Variants in SLC35F1 observed in about 807,000 individuals in gnomAD.
The protein encoded by SLC35F1 is solute carrier family 35 member F1, also known as chromosome 6 open reading frame 169.
In SLC35F1, 14 loss-of-function variants were observed where a neutral mutation model predicts 48.7. The ratio of observed to expected loss-of-function variants is 0.29; its 90% CI spans 0.19 to 0.45. The LOEUF is 0.45. Among genes scored for constraint, SLC35F1 ranks in the 20% least tolerant of loss-of-function variants. SLC35F1 has a pLI of 1.00. For missense variants in SLC35F1, 404 were observed against 500.0 expected, an observed-to-expected ratio of 0.81 and a Z score of 1.83; for synonymous variants, 190 against 202.2, an observed-to-expected ratio of 0.94 and a Z score of 0.51.
chr6:117,917,361 T>A (rs1482877962), intron 1 of SLC35F1, among the ~76,000 whole-genome samples: 1 of 151,668 alleles, frequency 6.6e-6, no homozygotes, highest in African/African-American at 2.4e-5. Context: ...TGGCTAATGT[T>A]TTGAAAAGAC....
chr6:117,981,130 TTAAG>T (rs1031263667), intron 1 of SLC35F1, among the ~76,000 whole-genome samples: 1 of 152,148 alleles, frequency 6.6e-6, no homozygotes, highest in African/African-American at 2.4e-5. Context: ...TGGGTTGCCA[TTAAG>T]TAAGATAGGA....
At chr6:118,228,045 G>A (rs967815299) in intron 2 of SLC35F1, among the ~76,000 whole-genome samples, 2 of 152,196 alleles carry the variant, frequency 1.3e-5, no homozygotes, top group East Asian at 3.8e-4. Flanking sequence ...GTAAGAGGCA[G>A]CCTGTGGCTA....
chr6:117,973,962 C>T (rs978050864), intron 1 of SLC35F1, among the ~76,000 whole-genome samples: 1 of 152,172 alleles, frequency 6.6e-6, no homozygotes, highest in African/African-American at 2.4e-5. Flanking sequence ...TTGGGTTTAG[C>T]TCTGTTACAT....
chr6:117,954,591 TG>T (rs1252127711), intron 1 of SLC35F1, among the ~76,000 whole-genome samples: 1 of 152,192 alleles, frequency 6.6e-6, no homozygotes, highest in Non-Finnish European at 1.5e-5. Context: ...ACTGAGATAA[TG>T]CTACTTAATC....
intron 2 of SLC35F1, among the ~76,000 whole-genome samples, chr6:118,235,121 A>G (rs1396821518): frequency 6.6e-6 from 1 of 152,084 alleles, no homozygotes; most frequent in Non-Finnish European, 1.5e-5. Context: ...TTTCATTTTT[A>G]TCTATTTTAT....
chr6:117,908,332 G>C (rs956926967), intron 1 of SLC35F1, among the ~76,000 whole-genome samples: 2 of 152,204 alleles, frequency 1.3e-5, no homozygotes, highest in Non-Finnish European at 2.9e-5. Flanking sequence ...CCTGGGCCTC[G>C]TGCTGTCCTC....
intron 1 of SLC35F1, among the ~76,000 whole-genome samples, chr6:117,982,387 C>G (rs1056669321): frequency 1.1e-4 from 16 of 152,136 alleles, no homozygotes; most frequent in Non-Finnish European, 1.6e-4. Context: ...AGCATTGAAG[C>G]CTTTATTTCA....
At chr6:118,116,517 T>C (rs1444942169) in intron 1 of SLC35F1, among the ~76,000 whole-genome samples, 4 of 152,322 alleles carry the variant, frequency 2.6e-5, no homozygotes, top group Non-Finnish European at 5.9e-5. Flanking sequence ...TGTGAATTGA[T>C]TGAATGCAAT....
chr6:118,127,906 A>G (rs1773651541), intron 1 of SLC35F1, among the ~76,000 whole-genome samples: 1 of 152,092 alleles, frequency 6.6e-6, no homozygotes, highest in African/African-American at 2.4e-5. Context: ...TTTGCAACCT[A>G]CTCATCGGAC....
At chr6:117,908,579 G>A (rs1185196709) in intron 1 of SLC35F1, among the ~76,000 whole-genome samples, 1 of 152,234 alleles carries the variant, frequency 6.6e-6, no homozygotes, top group Non-Finnish European at 1.5e-5. Flanking sequence ...CGCCCATGCC[G>A]GAGGGGGCGG....
intron 1 of SLC35F1, among the ~76,000 whole-genome samples, chr6:118,137,477 C>T (rs966412961): frequency 6.6e-6 from 1 of 152,130 alleles, no homozygotes; most frequent in Admixed American, 6.5e-5. Context: ...AGGAGTTCCC[C>T]CCTCCTACTC....
In SLC35F1 at chr6:118,096,131, A is replaced by G. The variant is rs75436407; in HGVS notation, c.174-58314A>G. Among the ~76,000 whole-genome samples, 1,120 of 152,302 alleles carry G rather than the reference A, an allele frequency of 7.4e-3. 11 individuals carry two copies. Among genetic ancestry groups the G allele is most frequent in the African/African-American group, 0.026 (1,083 of 41,568 alleles). Reference sequence around the variant, plus strand: ...AACCTTGTTTCTCCAAACTTTTTGGATCCCAATCTCAACCCTTTCCTTCAA... The same window carrying G: ...AACCTTGTTTCTCCAAACTTTTTGGGTCCCAATCTCAACCCTTTCCTTCAA... On this transcript the variant is annotated intron_variant, in intron 1 of 7. Transcript: ENST00000360388.
intron 7 of SLC35F1, among the ~76,000 whole-genome samples, chr6:118,289,492 T>G (rs1776091241): frequency 6.6e-6 from 1 of 152,200 alleles, no homozygotes; most frequent in Admixed American, 6.5e-5. Flanking sequence ...AGTCAGAAAA[T>G]GCAGATAAGT....
At chr6:117,976,388 G>A (rs1443423641) in intron 1 of SLC35F1, among the ~76,000 whole-genome samples, 1 of 152,086 alleles carries the variant, frequency 6.6e-6, no homozygotes, top group Non-Finnish European at 1.5e-5. Flanking sequence ...CAAATTTTAG[G>A]TTGTAAGAAA....
At chr6:118,191,857 C>T (rs1050046577) in intron 2 of SLC35F1, among the ~76,000 whole-genome samples, 2 of 152,102 alleles carry the variant, frequency 1.3e-5, no homozygotes, top group African/African-American at 4.8e-5. Flanking sequence ...ATCAGGTAAA[C>T]AAATGTACTT....
chr6:118,250,920 G>A (rs186675234), intron 3 of SLC35F1, among the ~76,000 whole-genome samples: 7 of 151,986 alleles, frequency 4.6e-5, no homozygotes, highest in East Asian at 1.9e-4. Context: ...AGCCGAGATC[G>A]TGCCACTACA....
At chr6:117,935,178 G>C (rs1016773147) in intron 1 of SLC35F1, among the ~76,000 whole-genome samples, 7 of 152,126 alleles carry the variant, frequency 4.6e-5, no homozygotes, top group African/African-American at 1.7e-4. Flanking sequence ...TCTACACCAA[G>C]AAAACCTATC....
At chr6:118,256,698 T>G (rs1775650856) in intron 3 of SLC35F1, among the ~76,000 whole-genome samples, 1 of 152,214 alleles carries the variant, frequency 6.6e-6, no homozygotes. Context: ...TTTTGCACTC[T>G]CATACATAAC....
At chr6:117,980,339 T>C (rs1776760784) in intron 1 of SLC35F1, among the ~76,000 whole-genome samples, 1 of 152,218 alleles carries the variant, frequency 6.6e-6, no homozygotes, top group Non-Finnish European at 1.5e-5. Flanking sequence ...CTTGATTGTC[T>C]TTGAAGAAAG....
Sources: allele counts gnomAD v4.1 joint callset (sites outside exome capture counted in the v4.1 genomes callset), GRCh38; gene constraint gnomAD v4.1.1; transcripts MANE v1.5; gene names NCBI Gene and HGNC (gene_info 2026-07-23, HGNC 2026-07-21).